Variants in ICE2 observed in about 807,000 individuals in gnomAD.
ICE2 encodes little elongation complex subunit 2.
ICE2 carries 87 observed loss-of-function variants against 105.4 expected under a neutral mutation model. The ratio of observed to expected loss-of-function variants is 0.83; its 90% CI spans 0.69 to 0.99. ICE2 has a LOEUF of 0.99. Ranked by LOEUF, ICE2 falls within the 50% of genes least tolerant of loss-of-function variation. The pLI is 0.00. For synonymous variants in ICE2, 399 were observed against 392.0 expected, an observed-to-expected ratio of 1.02 and a Z score of -0.21; for missense variants, 1,323 against 1,146.7, an observed-to-expected ratio of 1.15 and a Z score of -2.22.
chr15:60,435,188 G>T (rs538647599), intron 13 of ICE2, among the ~76,000 whole-genome samples: 61 of 152,320 alleles, frequency 4.0e-4, no homozygotes, highest in African/African-American at 1.4e-3. Context: ...GGCTGAGGCA[G>T]GAGAATGGCA....
intron 12 of ICE2, 80 bp from the exon 13 acceptor site, chr15:60,436,307 T>C: frequency 2.1e-6 from 1 of 487,434 alleles, no homozygotes. Flanking sequence ...TCCTGTCTCC[T>C]TAAAGATTAC....
chr15:60,424,374 G>C (rs1595730631), intron 15 of ICE2, among the ~76,000 whole-genome samples: 1 of 151,790 alleles, frequency 6.6e-6, no homozygotes, highest in Non-Finnish European at 1.5e-5. Context: ...GAGCAAGAAA[G>C]AAATAAGAAA....
chr15:60,432,087 A>C, intron 13 of ICE2, 103 bp from the exon 14 acceptor site: 3 of 562,210 alleles, frequency 5.3e-6, no homozygotes, highest in Non-Finnish European at 9.7e-6. Flanking sequence ...CAACAACAAA[A>C]ACAGCGGATG....
In ICE2 at chr15:60,479,073, T is replaced by C. The variant is rs1158866417; in HGVS notation, c.-163A>G. The stretch of plus-strand genomic sequence containing the variant: ...CACACGCTCCACCCCACTCCTCACA[T>C]TGTCGCGCGCGCCCAAAAAAGACCA... On this transcript the variant is annotated 5_prime_UTR_variant, in exon 1 of 16. An upstream start codon of the reference 5' UTR is lost. Transcript: ENST00000261520. The C allele has an allele frequency of 6.6e-6, 3 of 451,138 alleles. No individual in the cohort carries two copies. Among genetic ancestry groups the C allele is most frequent in the East Asian group, 1.4e-4 (2 of 14,096 alleles). The allele number at this position is 451,138 out of a possible 1,614,324, so 27.9% of individuals were successfully genotyped here.
At chr15:60,443,742 T>C (rs1013637006) in intron 11 of ICE2, among the ~76,000 whole-genome samples, 2 of 152,162 alleles carry the variant, frequency 1.3e-5, no homozygotes, top group African/African-American at 4.8e-5. Context: ...TTGCAAATGG[T>C]TATCTGCATA....
chr15:60,464,541 G>A (rs1206102450), intron 5 of ICE2, among the ~76,000 whole-genome samples: 1 of 152,124 alleles, frequency 6.6e-6, no homozygotes, highest in Non-Finnish European at 1.5e-5. Flanking sequence ...GCAGAAATCC[G>A]GGGAATAGAT....
intron 12 of ICE2, among the ~76,000 whole-genome samples, chr15:60,436,991 G>A (rs898780481): frequency 1.3e-5 from 2 of 151,950 alleles, no homozygotes; most frequent in African/African-American, 2.4e-5. Flanking sequence ...GGTGGCTCAC[G>A]CCTGAAATCC....
At chr15:60,451,087 T>TA (rs1219063212) in intron 9 of ICE2, 36 of 732,360 alleles carry the variant, frequency 4.9e-5, no homozygotes, top group South Asian at 6.2e-5. Flanking sequence ...AAATCCATGA[T>TA]AAACAGATAG....
intron 14 of ICE2, among the ~76,000 whole-genome samples, chr15:60,431,730 A>G (rs554487655): frequency 1.3e-5 from 2 of 152,330 alleles, no homozygotes; most frequent in African/African-American, 4.8e-5. Flanking sequence ...ATAGACTTAC[A>G]GGAAAATGTA....
chr15:60,466,210 C>T (rs578185560), intron 5 of ICE2, among the ~76,000 whole-genome samples: 35 of 152,038 alleles, frequency 2.3e-4, no homozygotes, highest in Non-Finnish European at 4.6e-4. Context: ...GGCTGGTTAC[C>T]ACAAACATAA....
intron 4 of ICE2, 72 bp from the exon 5 acceptor site, chr15:60,466,785 G>T: frequency 8.1e-7 from 1 of 1,240,384 alleles, no homozygotes; most frequent in South Asian, 1.4e-5. Flanking sequence ...CTTAATCATT[G>T]CTATAATAAT....
intron 3 of ICE2, among the ~76,000 whole-genome samples, chr15:60,474,359 C>T: frequency 6.6e-6 from 1 of 152,054 alleles, no homozygotes; most frequent in East Asian, 1.9e-4. Flanking sequence ...GACAGTTTAT[C>T]CTACTTATAC....
chr15:60,427,985 T>C (rs2063374079), intron 15 of ICE2, among the ~76,000 whole-genome samples: 1 of 152,242 alleles, frequency 6.6e-6, no homozygotes, highest in Non-Finnish European at 1.5e-5. Context: ...CACAAACTGC[T>C]ATTACTTCTT....
At chr15:60,425,522 T>G (rs1414612922) in intron 15 of ICE2, among the ~76,000 whole-genome samples, 1 of 152,174 alleles carries the variant, frequency 6.6e-6, no homozygotes, top group African/African-American at 2.4e-5. Context: ...AAGTCAAAAG[T>G]AGCCCAGGAA....
rs892163101 is a variant in ICE2, at chr15:60,420,772, G to T, written c.*2862C>A. 2 of 151,992 alleles carry T rather than the reference G, an allele frequency of 1.3e-5. No homozygotes were observed. Among genetic ancestry groups the T allele is most frequent in the Non-Finnish European group, 2.9e-5 (2 of 68,014 alleles). 9.4% of individuals were successfully genotyped at this position (151,992 alleles called of 1,614,324 possible). A position where few individuals can be genotyped will look rare whatever the true frequency, so the allele number is the denominator to read the frequency against. On this transcript the variant is annotated 3_prime_UTR_variant, in exon 16 of 16. Transcript: ENST00000261520. The stretch of plus-strand genomic sequence containing the variant: ...CTACCAAGATCTGGTTAGATGACTT[G>T]CTTACTTTATCAAAGCACTTATCAC...
intron 5 of ICE2, among the ~76,000 whole-genome samples, chr15:60,463,451 A>G (rs1455645143): frequency 6.6e-6 from 1 of 152,194 alleles, no homozygotes; most frequent in East Asian, 1.9e-4. Flanking sequence ...GGAAGGCCCA[A>G]AAGGATTCTG....
intron 15 of ICE2, among the ~76,000 whole-genome samples, chr15:60,428,146 A>T (rs1354352550): frequency 6.6e-6 from 1 of 152,224 alleles, no homozygotes; most frequent in Non-Finnish European, 1.5e-5. Flanking sequence ...TCATAGGAAT[A>T]TAAGGGTTTA....
chr15:60,437,380 G>T (rs961375431), intron 12 of ICE2, among the ~76,000 whole-genome samples: 1 of 151,576 alleles, frequency 6.6e-6, no homozygotes, highest in Admixed American at 6.6e-5. Context: ...TGTTGCCCAG[G>T]CTGGAGTGCA....
chr15:60,450,803 A>T (rs2063947108), intron 9 of ICE2, among the ~76,000 whole-genome samples: 1 of 152,252 alleles, frequency 6.6e-6, no homozygotes, highest in East Asian at 1.9e-4. Flanking sequence ...ATCTCTTGGC[A>T]TAGTGGCTGT....
Sources: gnomAD v4.1 joint callset for allele counts (sites outside exome capture counted in the v4.1 genomes callset) on GRCh38, gnomAD v4.1.1 for gene constraint, MANE v1.5 for transcripts, NCBI Gene and HGNC (gene_info 2026-07-23, HGNC 2026-07-21) for gene names.